Variants in NLRP7 observed in about 807,000 individuals in gnomAD.
NLRP7 encodes the protein NLR family pyrin domain containing 7, also known as NACHT, LRR and PYD domains-containing protein 7.
Under a neutral mutation model 85.5 loss-of-function variants are expected in NLRP7, and 72 were observed. The observed-to-expected ratio is 0.84, with a 90% CI of 0.70 to 1.02. The LOEUF (loss-of-function observed/expected upper bound fraction) is 1.02. Among genes scored for constraint, NLRP7 ranks in the 50% least tolerant of loss-of-function variants. NLRP7 has a pLI of 0.00. For synonymous variants in NLRP7, 550 were observed against 505.2 expected, an observed-to-expected ratio of 1.09 and a Z score of -1.19; for missense variants, 1,243 against 1,219.5, an observed-to-expected ratio of 1.02 and a Z score of -0.29.
intron 1 of NLRP7, among the ~76,000 whole-genome samples, chr19:54,942,181 G>A (rs574415484): frequency 2.6e-4 from 39 of 148,624 alleles, no homozygotes; most frequent in East Asian, 1.2e-3. Context: ...GTGTGAACCC[G>A]GGAAGTGGAG....
intron 1 of NLRP7, among the ~76,000 whole-genome samples, chr19:54,945,596 TTTTC>T (rs2069435006): frequency 6.6e-6 from 1 of 151,292 alleles, no homozygotes; most frequent in African/African-American, 2.4e-5. Context: ...AAGTACATTT[TTTTC>T]TTTTTTTCTT....
intron 1 of NLRP7, among the ~76,000 whole-genome samples, chr19:54,956,556 C>G (rs550710222): frequency 1.3e-5 from 2 of 151,474 alleles, no homozygotes; most frequent in Non-Finnish European, 2.9e-5. Context: ...TAGCTGGGCG[C>G]GGTGGCAGGT....
intron 1 of NLRP7, among the ~76,000 whole-genome samples, chr19:54,945,222 G>A (rs1234196818): frequency 1.4e-5 from 2 of 141,216 alleles, no homozygotes; most frequent in East Asian, 2.1e-4. Flanking sequence ...CAGCCTGGGC[G>A]AGTGAGACTC....
rs149175257 is a variant in NLRP7 at position 54,941,646 on chromosome 19, T to C, written c.66A>G (p.Leu22=). The change falls in exon 2 of 10, where the codon TTA becomes TTG. Residue 22 remains leucine, a synonymous_variant. Coordinates refer to ENST00000340844, the Ensembl canonical transcript of NLRP7. The stretch of plus-strand genomic sequence containing the variant: ...CCCATAAAAGGGATTTGAAACTCTT[T>C]AATTCATCCTCGTTCAGCTGCTCCA... The C allele has an allele frequency of 8.0e-4, 1,286 of 1,614,040 alleles. No homozygotes were observed. The highest frequency in any genetic ancestry group is 1.0e-3 in the Non-Finnish European group (1,184 of 1,179,922).
At chr19:54,926,085 T>C (rs1294045754) in intron 9 of NLRP7, among the ~76,000 whole-genome samples, 1 of 151,238 alleles carries the variant, frequency 6.6e-6, no homozygotes, top group Admixed American at 6.6e-5. Context: ...AAAATACAAA[T>C]AAGTCATTGA....
At chr19:54,943,506 CAGG>C (rs1261913517) in intron 1 of NLRP7, among the ~76,000 whole-genome samples, 1 of 148,796 alleles carries the variant, frequency 6.7e-6, no homozygotes, top group Non-Finnish European at 1.5e-5. Flanking sequence ...GAGGCTGAGG[CAGG>C]AGAATGGCGG....
chr19:54,941,137 G>A, intron 2 of NLRP7, 132 bp from the exon 3 acceptor site: 1 of 784,682 alleles, frequency 1.3e-6, no homozygotes, highest in Non-Finnish European at 2.3e-6. Context: ...GCTGAGGTGG[G>A]CGGATCACAA....
rs530712402 is a variant in NLRP7, at chr19:54,945,668, G to A, written c.-40+1801C>T. 5.9e-5 allele frequency among the ~76,000 whole-genome samples: 9 copies of A among 151,656 alleles called. No homozygotes were observed. In the East Asian group the frequency reaches 1.2e-3, roughly 20 times the overall value. On this transcript the variant is annotated intron_variant, in intron 1 of 9. Coordinates refer to ENST00000340844, the Ensembl canonical transcript of NLRP7. ...GGCTGGAGTGCAGTGGCACAATCTCGACTCACTGCAACCTCCACCTCCCAG... is the reference window on the plus strand; with the variant it reads ...GGCTGGAGTGCAGTGGCACAATCTCAACTCACTGCAACCTCCACCTCCCAG...
At chr19:54,925,630 G>A (rs2146138332) in intron 9 of NLRP7, among the ~76,000 whole-genome samples, 1 of 152,270 alleles carries the variant, frequency 6.6e-6, no homozygotes, top group East Asian at 1.9e-4. Flanking sequence ...CGGCCACACA[G>A]TGCAGCAGAG....
At chr19:54,945,309 C>T (rs2069421305) in intron 1 of NLRP7, among the ~76,000 whole-genome samples, 1 of 149,864 alleles carries the variant, frequency 6.7e-6, no homozygotes, top group Non-Finnish European at 1.5e-5. Context: ...AAGTCTTGCT[C>T]TGTCGCCCAG....
chr19:54,960,952 TC>T (rs1301969974), intron 1 of NLRP7, among the ~76,000 whole-genome samples: 1 of 152,020 alleles, frequency 6.6e-6, no homozygotes, highest in African/African-American at 2.4e-5. Flanking sequence ...TCTATATAAT[TC>T]CAAGGTCAAA....
At chr19:54,930,115 CAAAAAAAAAAAAA>C (rs34446838) in intron 9 of NLRP7, among the ~76,000 whole-genome samples, 6 of 100,564 alleles carry the variant, frequency 6.0e-5, no homozygotes, top group African/African-American at 2.2e-4. Context: ...GGCTCCGTCT[CAAAAAAAAAAAAA>C]AAAAAAGAAA....
chr19:54,937,074 C>A (rs1389374357), intron 5 of NLRP7, among the ~76,000 whole-genome samples: 11 of 150,380 alleles, frequency 7.3e-5, no homozygotes, highest in African/African-American at 2.7e-4. Context: ...AAAAACTAGC[C>A]GGGCGTGGTG....
At chr19:54,927,723 G>A (rs778669282) in intron 9 of NLRP7, 1 of 1,613,994 alleles carries the variant, frequency 6.2e-7, no homozygotes, top group South Asian at 1.1e-5. Flanking sequence ...TTGCTGAGGA[G>A]AGCAGATCCA....
At chr19:54,954,727 TC>T (rs1312046358) in intron 1 of NLRP7, among the ~76,000 whole-genome samples, 1 of 151,724 alleles carries the variant, frequency 6.6e-6, no homozygotes, top group South Asian at 2.1e-4. Flanking sequence ...GCACCTGTAA[TC>T]CCAGCTACTC....
chr19:54,962,034 A>C (rs1342680264), intron 1 of NLRP7, among the ~76,000 whole-genome samples: 1 of 149,712 alleles, frequency 6.7e-6, no homozygotes, highest in Non-Finnish European at 1.5e-5. Flanking sequence ...GTGGTGGTAC[A>C]TGCCTGTAAT....
At chr19:54,962,824 C>T (rs4374297) in intron 1 of NLRP7, among the ~76,000 whole-genome samples, 20,721 of 150,706 alleles carry the variant, frequency 0.14, 1,799 homozygotes, top group Non-Finnish European at 0.21. Context: ...TGGTCTCCAT[C>T]TCCTGACCTC....
rs149255615 is a variant in NLRP7, at chr19:54,943,735, G to A, written c.-39-1985C>T. Among the ~76,000 whole-genome samples, 507 of 152,260 alleles carry A rather than the reference G, an allele frequency of 3.3e-3. 1 individual carries two copies. The highest frequency in any genetic ancestry group is 0.011 in the African/African-American group (477 of 41,536). On this transcript the variant is annotated intron_variant, in intron 1 of 9. Coordinates refer to ENST00000340844, the Ensembl canonical transcript of NLRP7. ...GCAAATCTTTTTCCCCAGCTGTGAC[G>A]TGTGGGGAAAAGGAGGACAGATCAG...
chr19:54,936,170 A>T, intron 6 of NLRP7, 91 bp downstream of exon 6: 1 of 1,140,744 alleles, frequency 8.8e-7, no homozygotes, highest in Admixed American at 1.8e-5. Context: ...CTGGGACGGC[A>T]TCTGGAGTGG....
Sources: gnomAD v4.1 joint callset for allele counts (sites outside exome capture counted in the v4.1 genomes callset) on GRCh38, gnomAD v4.1.1 for gene constraint, MANE v1.5 for transcripts, NCBI Gene and HGNC (gene_info 2026-07-23, HGNC 2026-07-21) for gene names.